Variants in XK observed in about 807,000 individuals in gnomAD.
XK encodes X-linked Kx blood group antigen, Kell and VPS13A binding protein.
In XK, 2 loss-of-function variants were observed where a neutral mutation model predicts 14.0. That is an observed-to-expected ratio of 0.14 (90% CI 0.06 to 0.45). The LOEUF (loss-of-function observed/expected upper bound fraction) is 0.45. Among genes scored for constraint, XK ranks in the 20% least tolerant of loss-of-function variants. The pLI is 0.98. For synonymous variants in XK, 149 were observed against 147.5 expected, an observed-to-expected ratio of 1.01 and a Z score of -0.08; for missense variants, 235 against 341.5, an observed-to-expected ratio of 0.69 and a Z score of 2.46.
In XK at chrX:37,728,515, G is replaced by A. The variant is rs956750554; in HGVS notation, c.*53G>A. On this transcript the variant is annotated 3_prime_UTR_variant, in exon 3 of 3. Coordinates refer to ENST00000378616, the MANE Select transcript of XK (RefSeq NM_021083.4). ...ATATTATTTTCTGGGTTTGATACTC[G>A]TTATTCATACAAATAATGAGCCCTA... 6.4e-5 allele frequency: 72 copies of A among 1,124,605 alleles called. No homozygotes were observed. The highest frequency in any genetic ancestry group is 8.0e-5 in the Non-Finnish European group (66 of 827,155). 92.7% of individuals were successfully genotyped at this position (1,124,605 alleles called of 1,213,427 possible). A position where few individuals can be genotyped will look rare whatever the true frequency, so the allele number is the denominator to read the frequency against.
At position 37,686,215 on chromosome X, in the gene XK, A is replaced by G; in HGVS notation, c.245+9A>G. 1 of 1,205,345 alleles carries G rather than the reference A, an allele frequency of 8.3e-7. No individual in the cohort carries two copies. The highest frequency in any genetic ancestry group is 1.1e-6 in the Non-Finnish European group (1 of 894,333). ...CTTGGGCCCCTTTTCAGGTGCGTGC[A>G]GAAGCCCAGAGCCAGCCCCAGGCCG... is the stretch of plus-strand genomic sequence containing the variant. On this transcript the variant is annotated intron_variant, in intron 1 of 2. Coordinates refer to ENST00000378616, the MANE Select transcript of XK (RefSeq NM_021083.4).
intron 2 of XK, among the ~76,000 whole-genome samples, chrX:37,701,738 C>A (rs1200301970): frequency 1.8e-5 from 2 of 112,230 alleles, no homozygotes; most frequent in East Asian, 2.8e-4. Context: ...CCCAGACACG[C>A]AGGCAGGCTT....
At chrX:37,721,118 C>A (rs1276057644) in intron 2 of XK, among the ~76,000 whole-genome samples, 1 of 110,973 alleles carries the variant, frequency 9.0e-6, no homozygotes, top group Non-Finnish European at 1.9e-5. Flanking sequence ...ATTCATTTTA[C>A]ACTCCCACCA....
At chrX:37,704,020 G>A (rs1000109116) in intron 2 of XK, among the ~76,000 whole-genome samples, 5 of 112,027 alleles carry the variant, frequency 4.5e-5, no homozygotes, top group African/African-American at 1.6e-4. Flanking sequence ...ATTTGTCTCA[G>A]TTAAGGTGTT....
Position 37,731,040 on chromosome X carries a change from A to G in XK, c.*2578A>G, listed in dbSNP as rs1288876816. 1 of 112,130 alleles carries G rather than the reference A, an allele frequency of 8.9e-6. No homozygotes were observed. 9.2% of individuals were successfully genotyped at this position (112,130 alleles called of 1,213,427 possible). On this transcript the variant is annotated 3_prime_UTR_variant, in exon 3 of 3. Transcript: ENST00000378616. ...TACTTTCTTTCTGTGTGGTGAAAACATAAGCCATGGTGAACTGATAATTTT... is the reference window on the plus strand; with the variant it reads ...TACTTTCTTTCTGTGTGGTGAAAACGTAAGCCATGGTGAACTGATAATTTT...
At chrX:37,719,543 C>G (rs1602156210) in intron 2 of XK, among the ~76,000 whole-genome samples, 2 of 110,723 alleles carry the variant, frequency 1.8e-5, no homozygotes, top group Admixed American at 1.9e-4. Context: ...GACCTACCTT[C>G]TAGTGAGTAC....
In XK at chrX:37,714,400, G is replaced by GA. The variant is rs782031965; in HGVS notation, c.509-13227dup. Among the ~76,000 whole-genome samples the GA allele has an allele frequency of 3.6e-3, 394 of 108,268 alleles. 2 individuals are homozygous for GA. Among genetic ancestry groups the GA allele is most frequent in the African/African-American group, 0.012 (356 of 29,799 alleles). The allele number at this position is 108,268 out of a possible 115,157, so 94.0% of individuals were successfully genotyped here. ...CCATGTGCTGAATATATTACATTCA[G>GA]AAAAAAAAAGCCACTAAGGACTGGC... On this transcript the variant is annotated intron_variant, in intron 2 of 2. Transcript: ENST00000378616.
intron 2 of XK, among the ~76,000 whole-genome samples, chrX:37,712,586 A>G (rs1166539379): frequency 8.9e-6 from 1 of 112,066 alleles, no homozygotes; most frequent in Non-Finnish European, 1.9e-5. Flanking sequence ...AATATGGGGT[A>G]CTTTTTTTCT....
chrX:37,696,802 C>G (rs1292868320), intron 2 of XK, among the ~76,000 whole-genome samples: 1 of 112,245 alleles, frequency 8.9e-6, no homozygotes, highest in African/African-American at 3.2e-5. Flanking sequence ...CCCTGCCAAT[C>G]CATTGGCCTT....
At chrX:37,712,271 A>G (rs1556446867) in intron 2 of XK, among the ~76,000 whole-genome samples, 1 of 112,091 alleles carries the variant, frequency 8.9e-6, no homozygotes, top group African/African-American at 3.2e-5. Context: ...CACGTTGACT[A>G]GATTCTGAAA....
At chrX:37,709,681 A>AAAAAT (rs1556446256) in intron 2 of XK, among the ~76,000 whole-genome samples, 8 of 112,360 alleles carry the variant, frequency 7.1e-5, no homozygotes, top group African/African-American at 1.9e-4. Context: ...AATCAATAGT[A>AAAAAT]CAATTTCCGT....
intron 2 of XK, among the ~76,000 whole-genome samples, chrX:37,712,123 C>G (rs1927678141): frequency 9.0e-6 from 1 of 111,226 alleles, no homozygotes; most frequent in Non-Finnish European, 1.9e-5. Flanking sequence ...AATTTCACTT[C>G]TGCTGTATTT....
At chrX:37,713,732 C>T (rs1370964982) in intron 2 of XK, among the ~76,000 whole-genome samples, 1 of 108,448 alleles carries the variant, frequency 9.2e-6, no homozygotes, top group African/African-American at 3.4e-5. Flanking sequence ...TGTAGATATC[C>T]TTGACCCTAC....
chrX:37,693,680 A>G (rs1556441936), intron 1 of XK, among the ~76,000 whole-genome samples: 1 of 111,759 alleles, frequency 8.9e-6, no homozygotes, highest in Admixed American at 9.4e-5. Context: ...AAACAGAGAT[A>G]GGTAACATGT....
intron 2 of XK, among the ~76,000 whole-genome samples, chrX:37,705,368 C>T (rs1042596488): frequency 4.6e-5 from 5 of 109,215 alleles, no homozygotes; most frequent in Admixed American, 1.9e-4. Flanking sequence ...AGGAGAATGG[C>T]GTGAACCCGG....
At chrX:37,692,912 T>A (rs1437360076) in intron 1 of XK, among the ~76,000 whole-genome samples, 4 of 111,494 alleles carry the variant, frequency 3.6e-5, no homozygotes, top group Non-Finnish European at 7.5e-5. Flanking sequence ...TTTCATGTAA[T>A]ATATTAAAGT....
In XK at chrX:37,694,838, CTTG is replaced by C. The variant is rs1330484981; in HGVS notation, c.508+296_508+298del. Among the ~76,000 whole-genome samples the C allele has an allele frequency of 2.7e-5, 3 of 112,001 alleles. 1 individual carries two copies. The highest frequency in any genetic ancestry group is 5.6e-4 in the East Asian group (2 of 3,573). ...ATTCAAGGCCCCTTCACTCACATGT[CTTG>C]TTGTTCACATGTTTTGATATTGGCT... On this transcript the variant is annotated intron_variant, in intron 2 of 2. Transcript: ENST00000378616.
intron 2 of XK, among the ~76,000 whole-genome samples, chrX:37,721,492 A>G (rs1927869604): frequency 9.0e-6 from 1 of 111,539 alleles, no homozygotes; most frequent in African/African-American, 3.2e-5. Context: ...GCAAATCAAA[A>G]TCACAAGATA....
intron 2 of XK, among the ~76,000 whole-genome samples, chrX:37,718,337 G>C (rs782459523): frequency 9.0e-6 from 1 of 111,674 alleles, no homozygotes; most frequent in Admixed American, 9.5e-5. Flanking sequence ...TATGTAAATG[G>C]AATCAGGGTT....
Sources: gnomAD v4.1 joint callset for allele counts (sites outside exome capture counted in the v4.1 genomes callset) on GRCh38, gnomAD v4.1.1 for gene constraint, MANE v1.5 for transcripts, NCBI Gene and HGNC (gene_info 2026-07-23, HGNC 2026-07-21) for gene names.